TYW1: variants seen among roughly 807,000 people sequenced by gnomAD.
TYW1 encodes the protein tRNA-yW synthesizing protein 1 homolog.
In TYW1, 46 loss-of-function variants were observed where a neutral mutation model predicts 96.2. The observed-to-expected ratio is 0.48, with a 90% CI of 0.38 to 0.61. The LOEUF is 0.61. TYW1 is among the 20% of genes least tolerant of loss of function. TYW1 has a pLI of 0.00. For synonymous variants in TYW1, 274 were observed against 323.0 expected (o/e 0.85, Z 1.63); for missense variants, 684 against 909.6 (o/e 0.75, Z 3.19).
At chr7:67,231,727 G>C (rs1314305481) in intron 15 of TYW1, among the ~76,000 whole-genome samples, 1 of 151,398 alleles carries the variant, frequency 6.6e-6, no homozygotes, top group South Asian at 2.1e-4. Flanking sequence ...TTGAAATTTC[G>C]CTATAATGTG....
At chr7:67,121,273 C>T (rs531739650) in intron 13 of TYW1, among the ~76,000 whole-genome samples, 24 of 152,332 alleles carry the variant, frequency 1.6e-4, no homozygotes, top group South Asian at 8.3e-4. Context: ...CGGTGGCTCA[C>T]GCCAGTATTC....
At chr7:67,193,377 A>T (rs1034128304) in intron 14 of TYW1, among the ~76,000 whole-genome samples, 2 of 152,152 alleles carry the variant, frequency 1.3e-5, no homozygotes, top group African/African-American at 4.8e-5. Context: ...TCTTGAGTAG[A>T]GTGTTTGGCA....
intron 15 of TYW1, among the ~76,000 whole-genome samples, chr7:67,204,090 C>T (rs1800691340): frequency 1.3e-5 from 2 of 151,868 alleles, no homozygotes. Flanking sequence ...GACTGGATTT[C>T]TTTGGGTCTG....
chr7:67,224,508 C>G (rs1290910061), intron 15 of TYW1, among the ~76,000 whole-genome samples: 2 of 152,234 alleles, frequency 1.3e-5, no homozygotes, highest in East Asian at 3.8e-4. Flanking sequence ...TTCCTGCTGG[C>G]ACAGTTTCCT....
At chr7:67,139,728 G>GGTGTGTGTGTGTGT (rs55993805) in intron 13 of TYW1, among the ~76,000 whole-genome samples, 21 of 138,520 alleles carry the variant, frequency 1.5e-4, no homozygotes, top group South Asian at 4.9e-4. Context: ...TGTGTATACA[G>GGTGTGTGTGTGTGT]GTGTGTGTGT....
chr7:67,080,881 A>C (rs1277521656), intron 10 of TYW1, among the ~76,000 whole-genome samples: 1 of 128,254 alleles, frequency 7.8e-6, no homozygotes, highest in Non-Finnish European at 1.6e-5. Flanking sequence ...ATTCAAGGTT[A>C]TTCATGGTAG....
chr7:67,130,401 C>CG (rs990487733), intron 13 of TYW1, among the ~76,000 whole-genome samples: 2 of 141,046 alleles, frequency 1.4e-5, no homozygotes, highest in African/African-American at 5.4e-5. Context: ...TGGCTGGGTG[C>CG]GGTGGCTCAC....
intron 9 of TYW1, among the ~76,000 whole-genome samples, chr7:67,058,379 A>G (rs1484898802): frequency 6.6e-6 from 1 of 152,160 alleles, no homozygotes; most frequent in Non-Finnish European, 1.5e-5. Flanking sequence ...GTATTCCTAG[A>G]GCGGTGTGGC....
intron 13 of TYW1, among the ~76,000 whole-genome samples, chr7:67,138,618 C>T (rs1333047205): frequency 6.6e-6 from 1 of 152,054 alleles, no homozygotes; most frequent in Non-Finnish European, 1.5e-5. Flanking sequence ...ACCTTCCTCC[C>T]AACACCCCCA....
chr7:67,204,049 G>A (rs970277835), intron 15 of TYW1, among the ~76,000 whole-genome samples: 7 of 152,156 alleles, frequency 4.6e-5, no homozygotes, highest in African/African-American at 1.7e-4. Context: ...CAGGTCTTGA[G>A]TTTTCAGAAG....
rs372125701 is a variant in TYW1 at position 67,018,137 on chromosome 7, C to T, written c.855C>T (p.Asp285=). 6.2e-7 allele frequency: 1 copy of T among 1,612,834 alleles called. No individual in the cohort carries two copies. Among genetic ancestry groups the T allele is most frequent in the Non-Finnish European group, 8.5e-7 (1 of 1,179,004 alleles). Residue 285 remains aspartate, a synonymous_variant, in exon 6 of 16, where the codon GAC becomes GAT. Coordinates refer to ENST00000359626, the MANE Select transcript of TYW1 (RefSeq NM_018264.4). The part of the protein sequence containing the change: ...SHEQDELHHR[D]TEEEEPFESS... Reference sequence around the variant, plus strand: ...AGCAGGATGAATTGCATCATAGAGACACCGAGGTATACCGCCTGTGTGTTC... The same window carrying T: ...AGCAGGATGAATTGCATCATAGAGATACCGAGGTATACCGCCTGTGTGTTC...
intron 11 of TYW1, among the ~76,000 whole-genome samples, chr7:67,084,987 A>G (rs978156340): frequency 6.6e-6 from 1 of 152,184 alleles, no homozygotes; most frequent in Non-Finnish European, 1.5e-5. Context: ...ACCACTGGTG[A>G]TTCCTTCTCT....
chr7:67,035,758 A>C (rs936861303), intron 7 of TYW1, among the ~76,000 whole-genome samples: 1 of 151,874 alleles, frequency 6.6e-6, no homozygotes, highest in Non-Finnish European at 1.5e-5. Context: ...GCTGACTGCA[A>C]CCTCTACCTT....
At position 67,055,715 on chromosome 7, in the gene TYW1, G is replaced by A; in HGVS notation, c.1103-120G>A. On this transcript the variant is annotated intron_variant, in intron 8 of 15. Coordinates refer to ENST00000359626, the MANE Select transcript of TYW1 (RefSeq NM_018264.4). ...TAAATCTTTAATGTTTCCTGCCATG[G>A]GTTGGTTGACTGCAATAATTTAGCA... 5.0e-6 allele frequency: 3 copies of A among 597,212 alleles called. No individual in the cohort carries two copies. In the South Asian group the frequency reaches 8.4e-5, roughly 17 times the overall value. The allele number at this position is 597,212 out of a possible 1,614,324, so 37.0% of individuals were successfully genotyped here.
chr7:67,139,728 G>GGTGTGTGTGTGT (rs55993805), intron 13 of TYW1, among the ~76,000 whole-genome samples: 73 of 138,512 alleles, frequency 5.3e-4, no homozygotes, highest in East Asian at 4.7e-3. Context: ...TGTGTATACA[G>GGTGTGTGTGTGT]GTGTGTGTGT....
rs187393468 is a variant in TYW1, at chr7:67,123,242, C to G, written c.1698+5624C>G. On this transcript the variant is annotated intron_variant, in intron 13 of 15. Transcript: ENST00000359626. ...TGAAGGCTTTAACTTTCATGTAAAC[C>G]GTGGGACCCCTATCCACAGGCATAG... Among the ~76,000 whole-genome samples the G allele has an allele frequency of 1.4e-3, 209 of 152,114 alleles. 1 individual carries two copies. Among genetic ancestry groups the G allele is most frequent in the African/African-American group, 4.8e-3 (197 of 41,448 alleles).
At chr7:67,082,460 G>A (rs549937873) in intron 10 of TYW1, among the ~76,000 whole-genome samples, 1 of 152,312 alleles carries the variant, frequency 6.6e-6, no homozygotes, top group East Asian at 1.9e-4. Context: ...TGGAGGCAGT[G>A]GCATGACTTT....
In TYW1 at chr7:67,069,705, C is replaced by T. The variant is rs534980244; in HGVS notation, c.1274+2302C>T. Among the ~76,000 whole-genome samples, 13 of 152,288 alleles carry T rather than the reference C, an allele frequency of 8.5e-5. No homozygotes were observed. The South Asian group carries it at 2.3e-3, about 27-fold the overall frequency. On this transcript the variant is annotated intron_variant, in intron 10 of 15. Coordinates refer to ENST00000359626, the MANE Select transcript of TYW1 (RefSeq NM_018264.4). Reference sequence around the variant, plus strand: ...AATGAGCCTTGATTGTGCCACTGCACTCCAGCCTGGGTGGCAGAGCAAGAC... The same window carrying T: ...AATGAGCCTTGATTGTGCCACTGCATTCCAGCCTGGGTGGCAGAGCAAGAC...
chr7:67,131,885 C>T (rs1314114525), intron 13 of TYW1, among the ~76,000 whole-genome samples: 7 of 152,236 alleles, frequency 4.6e-5, no homozygotes, highest in East Asian at 1.9e-4. Flanking sequence ...GCATCCAGCA[C>T]GGGAGAAAGA....
Sources: allele counts gnomAD v4.1 joint callset (sites outside exome capture counted in the v4.1 genomes callset), GRCh38; gene constraint gnomAD v4.1.1; transcripts MANE v1.5; gene names NCBI Gene and HGNC (gene_info 2026-07-23, HGNC 2026-07-21).